Variants in ENAH observed in about 807,000 individuals in gnomAD.
ENAH encodes the protein protein enabled homolog.
A neutral mutation model predicts 78.7 loss-of-function variants in ENAH; 23 were observed. The observed-to-expected ratio is 0.29, with a 90% confidence interval of 0.21 to 0.41. The LOEUF is 0.41. ENAH is among the 10% of genes least tolerant of loss of function. ENAH has a pLI of 1.00. For missense variants in ENAH, 544 were observed against 691.0 expected (o/e 0.79, Z 2.39); for synonymous variants, 226 against 241.0 (o/e 0.94, Z 0.58).
chr1:225,556,603 G>A (rs2096668170), intron 2 of ENAH, among the ~76,000 whole-genome samples: 1 of 152,074 alleles, frequency 6.6e-6, no homozygotes, highest in South Asian at 2.1e-4. Context: ...TTGGTTATCT[G>A]TGATGCATAT....
At chr1:225,578,567 G>T (rs903089097) in intron 1 of ENAH, among the ~76,000 whole-genome samples, 4 of 152,120 alleles carry the variant, frequency 2.6e-5, no homozygotes, top group Admixed American at 2.0e-4. Context: ...AACTCTAGCT[G>T]GCCACATAAT....
chr1:225,630,434 T>C (rs1045012276), intron 1 of ENAH, among the ~76,000 whole-genome samples: 8 of 152,198 alleles, frequency 5.3e-5, no homozygotes, highest in Non-Finnish European at 8.8e-5. Flanking sequence ...TTCTCGTACA[T>C]ATAGGGTTCT....
chr1:225,554,418 C>A (rs1377178832), intron 3 of ENAH, among the ~76,000 whole-genome samples: 1 of 152,036 alleles, frequency 6.6e-6, no homozygotes, highest in African/African-American at 2.4e-5. Flanking sequence ...CCTGAGGGCA[C>A]TCCTAAAATC....
intron 1 of ENAH, among the ~76,000 whole-genome samples, chr1:225,634,740 T>C (rs1417350600): frequency 6.6e-6 from 1 of 152,226 alleles, no homozygotes; most frequent in Non-Finnish European, 1.5e-5. Context: ...TTTACTGGGC[T>C]CTCTATTCTA....
At chr1:225,571,862 C>A (rs1035342494) in intron 1 of ENAH, among the ~76,000 whole-genome samples, 1 of 152,136 alleles carries the variant, frequency 6.6e-6, no homozygotes, top group East Asian at 1.9e-4. Flanking sequence ...AAAGACTCAA[C>A]CCCCGCACCC....
At chr1:225,647,579 A>C (rs1373464079) in intron 1 of ENAH, among the ~76,000 whole-genome samples, 3 of 152,240 alleles carry the variant, frequency 2.0e-5, no homozygotes, top group African/African-American at 7.2e-5. Flanking sequence ...AAATTTAAAA[A>C]AGAACAAAAG....
At chr1:225,583,024 CAA>C (rs1331534284) in intron 1 of ENAH, among the ~76,000 whole-genome samples, 2 of 152,012 alleles carry the variant, frequency 1.3e-5, no homozygotes, top group Admixed American at 1.3e-4. Context: ...ACTGCAGAAA[CAA>C]AAGAGAACAG....
Position 225,640,640 on chromosome 1 carries a change from T to C in ENAH, c.5+12046A>G, listed in dbSNP as rs571658841. Among the ~76,000 whole-genome samples the C allele has an allele frequency of 4.6e-5, 7 of 152,304 alleles. No homozygotes were observed. In the South Asian group the frequency reaches 8.3e-4, roughly 18 times the overall value. On this transcript the variant is annotated intron_variant, in intron 1 of 13. Transcript: ENST00000366843. ...AATCCCAGTTCCACTCTCTACTAAC[T>C]GGGTGACCCTGGGCAAGTCACTTAA...
Position 225,567,357 on chromosome 1 carries a change from C to T in ENAH, c.63G>A (p.Lys21=), listed in dbSNP as rs755872249. ...AAVMVYDDAN[K]KWVPAGGSTG... is the part of the protein sequence containing the mutation. ...TTGAGCCACCAGCTGGCACCCACTT[C>T]TTATTGGCATCATCATAAACCATCA... The change falls in exon 2 of 14, where the codon AAG becomes AAA. Residue 21 remains lysine, a synonymous_variant. Transcript: ENST00000366843. 7 of 1,614,112 alleles carry T rather than the reference C, an allele frequency of 4.3e-6. No individual in the cohort carries two copies. Among genetic ancestry groups the T allele is most frequent in the Non-Finnish European group, 5.1e-6 (6 of 1,180,000 alleles).
At chr1:225,517,399 G>A (rs778533201) in intron 5 of ENAH, 93 bp from the exon 6 acceptor site, 2 of 1,551,842 alleles carry the variant, frequency 1.3e-6, no homozygotes, top group South Asian at 2.4e-5. Flanking sequence ...TCCACAGTGT[G>A]AGAGTGATGC....
intron 1 of ENAH, among the ~76,000 whole-genome samples, chr1:225,588,466 A>C (rs139931601): frequency 5.4e-4 from 82 of 152,314 alleles, no homozygotes; most frequent in African/African-American, 1.9e-3. Flanking sequence ...GTTTAACCCT[A>C]ACTCCCACAC....
intron 1 of ENAH, among the ~76,000 whole-genome samples, chr1:225,611,967 A>G (rs2096992275): frequency 6.6e-6 from 1 of 152,236 alleles, no homozygotes; most frequent in Non-Finnish European, 1.5e-5. Flanking sequence ...TAAAACCCTC[A>G]TCCACTGCTG....
intron 2 of ENAH, 128 bp downstream of exon 2, chr1:225,567,121 T>C: frequency 9.6e-7 from 1 of 1,039,670 alleles, no homozygotes; most frequent in South Asian, 1.7e-5. Flanking sequence ...AGAGACAATT[T>C]TATATTCAGT....
At chr1:225,510,915 G>C (rs1471562257) in intron 10 of ENAH, among the ~76,000 whole-genome samples, 1 of 151,890 alleles carries the variant, frequency 6.6e-6, no homozygotes, top group African/African-American at 2.4e-5. Context: ...TAGGGGGCTG[G>C]GGGGCTAAGG....
At chr1:225,551,576 CAG>C (rs1341273266) in intron 3 of ENAH, among the ~76,000 whole-genome samples, 1 of 152,124 alleles carries the variant, frequency 6.6e-6, no homozygotes, top group Non-Finnish European at 1.5e-5. Context: ...CTATATCAAT[CAG>C]AGAAGCTCCA....
chr1:225,566,701 C>G (rs766645395), intron 2 of ENAH, among the ~76,000 whole-genome samples: 3 of 152,186 alleles, frequency 2.0e-5, no homozygotes, highest in Non-Finnish European at 4.4e-5. Flanking sequence ...ATCAAGTAAT[C>G]AGATAATCCA....
intron 3 of ENAH, among the ~76,000 whole-genome samples, chr1:225,532,781 A>T (rs899784119): frequency 2.0e-5 from 3 of 152,130 alleles, no homozygotes; most frequent in African/African-American, 7.2e-5. Context: ...GGAGATTTTT[A>T]AAATGTGGGT....
intron 1 of ENAH, among the ~76,000 whole-genome samples, chr1:225,591,763 T>TGAAAAA (rs1558871217): frequency 7.2e-4 from 28 of 38,866 alleles, no homozygotes; most frequent in African/African-American, 4.6e-3. Context: ...AGACTCCGTC[T>TGAAAAA]CAAAAAAAAA....
intron 3 of ENAH, among the ~76,000 whole-genome samples, chr1:225,541,451 C>A (rs899190895): frequency 4.0e-5 from 6 of 151,620 alleles, no homozygotes; most frequent in East Asian, 3.9e-4. Context: ...AAAAAAAAAA[C>A]CCAAAATGTT....
Sources: gnomAD v4.1 joint callset for allele counts (sites outside exome capture counted in the v4.1 genomes callset) on GRCh38, gnomAD v4.1.1 for gene constraint, MANE v1.5 for transcripts, NCBI Gene and HGNC (gene_info 2026-07-23, HGNC 2026-07-21) for gene names.